Variants in CHD9 observed in about 807,000 individuals in gnomAD.
CHD9 encodes the protein chromodomain helicase DNA binding protein 9, also known as ATP-dependent chromatin remodeler CHD9.
CHD9 carries 77 observed loss-of-function variants against 316.1 expected under a neutral mutation model. That is an observed-to-expected ratio of 0.24 (90% CI 0.20 to 0.29). CHD9 has a LOEUF of 0.29. Among genes scored for constraint, CHD9 ranks in the 10% least tolerant of loss-of-function variants. The pLI is 1.00. For missense variants in CHD9, 2,763 were observed against 3,438.1 expected (o/e 0.80, Z 4.91); for synonymous variants, 1,129 against 1,158.3 (o/e 0.97, Z 0.51).
intron 29 of CHD9, among the ~76,000 whole-genome samples, chr16:53,293,716 C>T (rs543661193): frequency 6.6e-6 from 1 of 152,062 alleles, no homozygotes; most frequent in Non-Finnish European, 1.5e-5. Flanking sequence ...TTTGGGAGGC[C>T]GAGGTGGGTG....
intron 24 of CHD9, among the ~76,000 whole-genome samples, chr16:53,282,181 G>A: frequency 6.6e-6 from 1 of 151,876 alleles, no homozygotes; most frequent in East Asian, 1.9e-4. Context: ...ATTTTAACAT[G>A]TTTACATCTC....
chr16:53,248,719 A>G (rs1313868327), intron 16 of CHD9, among the ~76,000 whole-genome samples: 1 of 151,720 alleles, frequency 6.6e-6, no homozygotes, highest in Non-Finnish European at 1.5e-5. Context: ...ACAGGGTCTC[A>G]CTGTGTTGCC....
chr16:53,318,379 C>T lies in CHD9; in HGVS notation c.7713+39C>T, dbSNP rs764317407. 5 of 1,498,716 alleles carry T rather than the reference C, an allele frequency of 3.3e-6. No homozygotes were observed. The South Asian group carries it at 6.3e-5, about 19-fold the overall frequency. 92.8% of individuals were successfully genotyped at this position (1,498,716 alleles called of 1,614,324 possible). A position where few individuals can be genotyped will look rare whatever the true frequency, so the allele number is the denominator to read the frequency against. On this transcript the variant is annotated intron_variant, in intron 37 of 38. Coordinates refer to ENST00000447540, the MANE Select transcript of CHD9 (RefSeq NM_001308319.2). ...TTTTTCTTAATCTTTTGTATTGATT[C>T]AATATTTAAGAGATCTCCAGAACAC...
At chr16:53,260,723 T>C (rs1243139769) in intron 19 of CHD9, among the ~76,000 whole-genome samples, 1 of 152,210 alleles carries the variant, frequency 6.6e-6, no homozygotes, top group Non-Finnish European at 1.5e-5. Context: ...AATCTGTTTC[T>C]TATTTCTTCC....
chr16:53,226,992 A>AT (rs145797249), intron 5 of CHD9, among the ~76,000 whole-genome samples: 2 of 152,094 alleles, frequency 1.3e-5, no homozygotes, highest in African/African-American at 4.8e-5. Context: ...CTCGTCTATG[A>AT]TTTTTTAAGT....
chr16:53,303,579 T>A (rs1228063941), intron 30 of CHD9, 141 bp from the exon 31 acceptor site: 1 of 534,284 alleles, frequency 1.9e-6, no homozygotes. Context: ...AAAGAAATTC[T>A]GGAAACTATA....
At chr16:53,174,514 C>T (rs1225327110) in intron 2 of CHD9, among the ~76,000 whole-genome samples, 1 of 151,958 alleles carries the variant, frequency 6.6e-6, no homozygotes, top group African/African-American at 2.4e-5. Flanking sequence ...GCTCTGTTAC[C>T]TACTTTGTCT....
chr16:53,317,854 G>T (rs2056996143), intron 36 of CHD9, among the ~76,000 whole-genome samples: 1 of 152,032 alleles, frequency 6.6e-6, no homozygotes, highest in Non-Finnish European at 1.5e-5. Context: ...AAGAGTTCAA[G>T]ATCAGCCTGG....
intron 2 of CHD9, chr16:53,208,562 T>C: frequency 1.1e-5 from 11 of 1,030,638 alleles, no homozygotes; most frequent in Non-Finnish European, 1.3e-5. Flanking sequence ...CCCTCCTTCC[T>C]TTCCCAGTGC....
rs561941235 is a variant in CHD9, at chr16:53,227,495, C to T, written c.2112+31C>T. 193 of 1,483,794 alleles carry T rather than the reference C, an allele frequency of 1.3e-4. 1 individual carries two copies. In the South Asian group the frequency reaches 2.2e-3, roughly 17 times the overall value. The allele number at this position is 1,483,794 out of a possible 1,614,324, so 91.9% of individuals were successfully genotyped here. On this transcript the variant is annotated intron_variant, in intron 6 of 38. Transcript: ENST00000447540. ...TACTGGTACATTACATTTTACACTT[C>T]ATATTCTGTGGCCTGTTTAAAAGAG...
chr16:53,061,731 G>T (rs1010478281), intron 1 of CHD9, among the ~76,000 whole-genome samples: 2 of 152,170 alleles, frequency 1.3e-5, no homozygotes, highest in Non-Finnish European at 2.9e-5. Context: ...TGTCTGCTGT[G>T]CACACCCTGA....
At chr16:53,093,955 G>A (rs968558544) in intron 1 of CHD9, among the ~76,000 whole-genome samples, 1 of 152,184 alleles carries the variant, frequency 6.6e-6, no homozygotes. Context: ...TTCTGTCCAT[G>A]AAGTCTGTCA....
chr16:53,156,647 C>G lies in CHD9; in HGVS notation c.558C>G (p.Leu186=). The G allele has an allele frequency of 6.2e-7, 1 of 1,613,956 alleles. No individual in the cohort carries two copies. Among genetic ancestry groups the G allele is most frequent in the South Asian group, 1.1e-5 (1 of 91,084 alleles). Residue 186 remains leucine, a synonymous_variant, in exon 2 of 39, where the codon CTC becomes CTG. Transcript: ENST00000447540. ...SLRSQQNRNN[L]NPGQNSLSQS... ...GCTCACAACAAAACAGAAATAATCTCAACCCAGGGCAGAATTCTCTTAGCC... is the reference window on the plus strand; with the variant it reads ...GCTCACAACAAAACAGAAATAATCTGAACCCAGGGCAGAATTCTCTTAGCC...
chr16:53,169,425 C>T (rs1435338378), intron 2 of CHD9: 3 of 152,026 alleles, frequency 2.0e-5, no homozygotes, highest in South Asian at 2.1e-4. Flanking sequence ...AAGGTAGCTC[C>T]AAGTCAGCTT....
chr16:53,247,524 T>C (rs376318124), intron 16 of CHD9, 21 bp downstream of exon 16: 680 of 1,483,526 alleles, frequency 4.6e-4, no homozygotes, highest in Middle Eastern at 1.4e-3. Flanking sequence ...CTGAATTTAC[T>C]GTGAATTATG....
At chr16:53,233,829 A>T (rs149058963) in intron 10 of CHD9, among the ~76,000 whole-genome samples, 48 of 152,320 alleles carry the variant, frequency 3.2e-4, no homozygotes, top group East Asian at 2.3e-3. Context: ...GATTATCCTG[A>T]TAATTCTTAG....
chr16:53,169,458 A>G (rs1194903256), intron 2 of CHD9: 2 of 152,186 alleles, frequency 1.3e-5, no homozygotes, highest in Non-Finnish European at 2.9e-5. Context: ...AAATGTCAAT[A>G]TTATGAATTT....
intron 12 of CHD9, among the ~76,000 whole-genome samples, chr16:53,240,621 A>G (rs943426859): frequency 5.3e-5 from 8 of 152,112 alleles, no homozygotes; most frequent in African/African-American, 1.7e-4. Context: ...AATTAAGTGA[A>G]TATTTAACTT....
chr16:53,187,511 G>GA (rs554850940), intron 2 of CHD9, among the ~76,000 whole-genome samples: 50 of 151,372 alleles, frequency 3.3e-4, no homozygotes, highest in Admixed American at 1.1e-3. Context: ...CTAAGAAAAA[G>GA]AAAAAAAAGT....
Sources: gnomAD v4.1 joint callset for allele counts (sites outside exome capture counted in the v4.1 genomes callset) on GRCh38, gnomAD v4.1.1 for gene constraint, MANE v1.5 for transcripts, NCBI Gene and HGNC (gene_info 2026-07-23, HGNC 2026-07-21) for gene names.